The following GEM variants were observed in gnomAD, a reference collection of about 807,000 sequenced individuals.
GEM encodes the protein GTP-binding protein GEM.
A neutral mutation model predicts 33.0 loss-of-function variants in GEM; 31 were observed. The observed-to-expected ratio is 0.94, with a 90% confidence interval of 0.71 to 1.27. The LOEUF (loss-of-function observed/expected upper bound fraction) is 1.27. Ranked by LOEUF, GEM falls within the 50% of genes most tolerant of loss-of-function variation. GEM has a pLI of 0.00. For missense variants in GEM, 354 were observed against 390.5 expected (o/e 0.91, Z 0.79); for synonymous variants, 141 against 143.7 (o/e 0.98, Z 0.13).
chr8:94,258,639 T>C (rs564408008), intron 2 of GEM, among the ~76,000 whole-genome samples: 1 of 152,372 alleles, frequency 6.6e-6, no homozygotes, highest in East Asian at 1.9e-4. Flanking sequence ...CACTTGACTT[T>C]GTAAGCCTCC....
chr8:94,260,805 A>C, intron 1 of GEM: 2 of 269,480 alleles, frequency 7.4e-6, no homozygotes, highest in East Asian at 1.4e-4. Context: ...CCCTTCCTCA[A>C]AGCAGACTTG....
At chr8:94,260,060 CA>C in intron 2 of GEM, 112 bp downstream of exon 2, 1 of 683,040 alleles carries the variant, frequency 1.5e-6, no homozygotes, top group Admixed American at 2.4e-5. Context: ...ATCAATTGTC[CA>C]AAATGCCTAA....
intron 2 of GEM, among the ~76,000 whole-genome samples, chr8:94,257,288 C>T (rs1376723400): frequency 3.3e-5 from 5 of 152,090 alleles, no homozygotes; most frequent in East Asian, 1.9e-4. Context: ...TCAAATGACT[C>T]GCCTGCCTCA....
At chr8:94,260,855 G>C (rs1586067164) in intron 1 of GEM, 1 of 197,738 alleles carries the variant, frequency 5.1e-6, no homozygotes, top group Admixed American at 5.5e-5. Flanking sequence ...CACAAAGGCA[G>C]CTGGAAAGAA....
chr8:94,252,536 C>T (rs1808799299), intron 3 of GEM, among the ~76,000 whole-genome samples: 1 of 152,146 alleles, frequency 6.6e-6, no homozygotes, highest in Admixed American at 6.5e-5. Flanking sequence ...ATTTAATCTA[C>T]CAAAAATGAG....
In GEM at chr8:94,252,005, T is replaced by A. The variant is rs142850897; in HGVS notation, c.613+14A>T. 16 of 1,594,702 alleles carry A rather than the reference T, an allele frequency of 1.0e-5. 1 individual carries two copies. The East Asian group carries it at 2.0e-4, about 20-fold the overall frequency. On this transcript the variant is annotated intron_variant, in intron 4 of 4. Coordinates refer to ENST00000297596, the MANE Select transcript of GEM (RefSeq NM_005261.4). ...CAGCGATTGTTTCTACAGTATTGGC[T>A]CTGCTCCTCTTACCTGATACAGACA...
rs2129779781 is a variant in GEM at position 94,260,372 on chromosome 8, G to A, written c.132C>T (p.Asn44=). Residue 44 remains asparagine (N), a synonymous_variant, in exon 2 of 5, where the codon AAC becomes AAT. Transcript: ENST00000297596. ...QKEPHQYSHR[N]RHSATPEDHC... ...GGTCCTCAGGGGTAGCAGAATGGCGGTTGCGGTGGCTGTACTGGTGGGGCT... is the reference window on the plus strand; with the variant it reads ...GGTCCTCAGGGGTAGCAGAATGGCGATTGCGGTGGCTGTACTGGTGGGGCT... 6.2e-7 allele frequency: 1 copy of A among 1,614,134 alleles called. No homozygotes were observed.
At chr8:94,256,913 C>A (rs1808902792) in intron 2 of GEM, among the ~76,000 whole-genome samples, 1 of 152,178 alleles carries the variant, frequency 6.6e-6, no homozygotes, top group Non-Finnish European at 1.5e-5. Flanking sequence ...GGAGGTATTA[C>A]CCCAATTACA....
chr8:94,260,839 AGCTG>A (rs1809006991), intron 1 of GEM: 1 of 216,654 alleles, frequency 4.6e-6, no homozygotes, highest in African/African-American at 2.3e-5. Context: ...CTGCACTCAG[AGCTG>A]GCACAAAGGC....
At chr8:94,254,959 CA>C (rs1808856617) in intron 2 of GEM, among the ~76,000 whole-genome samples, 1 of 152,158 alleles carries the variant, frequency 6.6e-6, no homozygotes, top group African/African-American at 2.4e-5. Flanking sequence ...TTTGGATTAC[CA>C]GGGGTAGAAC....
Position 94,262,220 on chromosome 8 carries a change from C to CGGCGTCGG in GEM, c.-148_-141dup, listed in dbSNP as rs1487085073. 6.6e-6 allele frequency: 1 copy of CGGCGTCGG among 152,250 alleles called. No homozygotes were observed. Among genetic ancestry groups the CGGCGTCGG allele is most frequent in the Non-Finnish European group, 1.5e-5 (1 of 68,064 alleles). 9.4% of individuals were successfully genotyped at this position (152,250 alleles called of 1,614,324 possible). On this transcript the variant is annotated 5_prime_UTR_variant, in exon 1 of 5. Transcript: ENST00000297596. ...TCCCCCTTACTTGGCTCGGCCGGAT[C>CGGCGTCGG]GGCGTCGGGGCGTCAGCGTATCGCG...
At position 94,259,414 on chromosome 8, in the gene GEM, G is replaced by A. The variant is rs562653821; in HGVS notation, c.331+759C>T. On this transcript the variant is annotated intron_variant, in intron 2 of 4. Coordinates refer to ENST00000297596, the MANE Select transcript of GEM (RefSeq NM_005261.4). ...ACATATAACTACCCTGGTCGCATACGCTCAGACTGAAGCTGTGGCTGAAAG... is the reference window on the plus strand; with the variant it reads ...ACATATAACTACCCTGGTCGCATACACTCAGACTGAAGCTGTGGCTGAAAG... Among the ~76,000 whole-genome samples, 6 of 152,236 alleles carry A rather than the reference G, an allele frequency of 3.9e-5. No homozygotes were observed. The East Asian group carries it at 7.7e-4, about 20-fold the overall frequency.
Position 94,260,185 on chromosome 8 carries a change from C to T in GEM, c.319G>A (p.Glu107Lys), listed in dbSNP as rs527705763. 5 of 1,587,832 alleles carry T rather than the reference C, an allele frequency of 3.1e-6. No individual in the cohort carries two copies. In the South Asian group the frequency reaches 3.3e-5, roughly 11 times the overall value. The part of the protein sequence containing the change: ...GVHDSMDSDC[E>K]VLGEDTYERT... Reference sequence around the variant, plus strand: ...CTGGGACACCTACCTCCCAGCACCTCGCAGTCGCTGTCCATGCTGTCATGC... The same window carrying T: ...CTGGGACACCTACCTCCCAGCACCTTGCAGTCGCTGTCCATGCTGTCATGC... Residue 107 changes from glutamate (E) to lysine (K), a missense_variant, in exon 2 of 5, where the codon GAG becomes AAG. Transcript: ENST00000297596.
At chr8:94,253,159 A>G (rs1476935744) in intron 2 of GEM, 47 bp from the exon 3 acceptor site, 1 of 967,694 alleles carries the variant, frequency 1.0e-6, no homozygotes, top group East Asian at 2.4e-5. Context: ...AATATGCAAC[A>G]CTTCTCCATA....
chr8:94,252,353 C>T (rs2129753877), intron 3 of GEM, 130 bp from the exon 4 acceptor site: 1 of 657,096 alleles, frequency 1.5e-6, no homozygotes. Context: ...GGAAGAAAAT[C>T]GCTTCCAACT....
rs1808737383 is a variant in GEM at position 94,250,445 on chromosome 8, C to A, written c.756G>T (p.Arg252=). ...RRDSKEKNER[R]LAYQKRKESM... ...TCTCCTTCCTTTTCTGGTAGGCCAGCCGCCGTTCATTCTTCTCCTTGCTGT... is the reference window on the plus strand; with the variant it reads ...TCTCCTTCCTTTTCTGGTAGGCCAGACGCCGTTCATTCTTCTCCTTGCTGT... The change falls in exon 5 of 5, where the codon CGG becomes CGT. Residue 252 remains arginine, a synonymous_variant. Coordinates refer to ENST00000297596, the MANE Select transcript of GEM (RefSeq NM_005261.4). 1 of 1,614,230 alleles carries A rather than the reference C, an allele frequency of 6.2e-7. No individual in the cohort carries two copies. Among genetic ancestry groups the A allele is most frequent in the Admixed American group, 1.7e-5 (1 of 60,034 alleles).
chr8:94,260,664 C>G, intron 1 of GEM, 152 bp from the exon 2 acceptor site: 1 of 589,478 alleles, frequency 1.7e-6, no homozygotes, highest in Non-Finnish European at 3.0e-6. Context: ...GTCCCCCAAA[C>G]CCCAACAAGA....
chr8:94,260,626 C>A (rs1189089927), intron 1 of GEM, 114 bp from the exon 2 acceptor site: 2 of 643,512 alleles, frequency 3.1e-6, no homozygotes, highest in East Asian at 5.5e-5. Context: ...AAGCAAGTAT[C>A]CCTAACATAA....
At chr8:94,260,113 C>T (rs1808981463) in intron 2 of GEM, 60 bp downstream of exon 2, 2 of 1,107,282 alleles carry the variant, frequency 1.8e-6, no homozygotes, top group African/African-American at 1.5e-5. Context: ...CACCCACCCT[C>T]ACTCTTTCTT....
Sources: allele counts gnomAD v4.1 joint callset (sites outside exome capture counted in the v4.1 genomes callset), GRCh38; gene constraint gnomAD v4.1.1; transcripts MANE v1.5; gene names NCBI Gene and HGNC (gene_info 2026-07-23, HGNC 2026-07-21).